ERCC6: variants seen among roughly 807,000 people sequenced by gnomAD.
ERCC6 encodes the protein ERCC excision repair 6, chromatin remodeling factor.
A neutral mutation model predicts 158.7 loss-of-function variants in ERCC6; 116 were observed. That is an observed-to-expected ratio of 0.73 (90% CI 0.63 to 0.85). The LOEUF is 0.85. Ranked by LOEUF, ERCC6 falls within the 40% of genes least tolerant of loss-of-function variation. The probability of loss-of-function intolerance (pLI) is 0.00; values close to 1 mark genes in which losing one functional copy is unlikely to be tolerated. For missense variants in ERCC6, 1,698 were observed against 1,799.4 expected, an observed-to-expected ratio of 0.94 and a Z score of 1.02; for synonymous variants, 678 against 659.3, an observed-to-expected ratio of 1.03 and a Z score of -0.43.
chr10:49,470,940 T>C (rs779361736), intron 17 of ERCC6, 35 bp downstream of exon 17: 21 of 1,613,818 alleles, frequency 1.3e-5, no homozygotes, highest in East Asian at 6.7e-5. Context: ...TCTTGTGCAA[T>C]TGATTACTTT....
rs746657961 is a variant in ERCC6, at chr10:49,515,682, C to T, written c.1397+8351G>A. The T allele has an allele frequency of 1.9e-5, 30 of 1,614,014 alleles. No homozygotes were observed. Among genetic ancestry groups the T allele is most frequent in the Admixed American group, 3.3e-5 (2 of 60,006 alleles). On this transcript the variant is annotated intron_variant, in intron 5 of 20. Coordinates refer to ENST00000355832, the MANE Select transcript of ERCC6 (RefSeq NM_000124.4). ...AGGGCTTGAATACCATTTCTTTCCA[C>T]GGATTGATGCCCGATACTTATCAAT...
chr10:49,489,812 T>C (rs1183635035), intron 8 of ERCC6, among the ~76,000 whole-genome samples: 1 of 152,220 alleles, frequency 6.6e-6, no homozygotes, highest in East Asian at 1.9e-4. Flanking sequence ...CTGTGAGTTA[T>C]GGGATAGGTA....
intron 18 of ERCC6, among the ~76,000 whole-genome samples, chr10:49,469,631 A>G (rs1204125717): frequency 6.6e-6 from 1 of 152,228 alleles, no homozygotes; most frequent in Non-Finnish European, 1.5e-5. Flanking sequence ...ATAAGCAGCA[A>G]TCTTTGGTAA....
At position 49,470,633 on chromosome 10, in the gene ERCC6, T is replaced by C. The variant is rs1182080300; in HGVS notation, c.3327A>G (p.Glu1109=). Residue 1109 remains glutamate (E), a synonymous_variant, in exon 18 of 21, where the codon GAA becomes GAG. Transcript: ENST00000355832. The stretch of plus-strand genomic sequence containing the variant: ...CTGGTCCAGATACTGCATTTGTCTC[T>C]TCTCCAAGCCTATCATTGCTAGTTA... The part of the protein sequence containing the change: ...SNVTSNDRLG[E]ETNAVSGPEE... 2 of 1,613,472 alleles carry C rather than the reference T, an allele frequency of 1.2e-6. No homozygotes were observed. Among genetic ancestry groups the C allele is most frequent in the Non-Finnish European group, 1.7e-6 (2 of 1,179,648 alleles).
At chr10:49,437,364 T>C in the ERCC6 span, among the ~76,000 whole-genome samples, 2 of 152,210 alleles carry the variant, frequency 1.3e-5, no homozygotes, top group East Asian at 3.8e-4. Context: ...CAGTATAACA[T>C]TGACTTTAAA....
At chr10:49,527,896 T>C (rs1482372290) in intron 4 of ERCC6, among the ~76,000 whole-genome samples, 4 of 152,164 alleles carry the variant, frequency 2.6e-5, no homozygotes, top group Non-Finnish European at 4.4e-5. Context: ...GATAATTTAG[T>C]TCCAGAGCTT....
chr10:49,522,763 C>A (rs1193647159), intron 5 of ERCC6, among the ~76,000 whole-genome samples: 1 of 152,200 alleles, frequency 6.6e-6, no homozygotes, highest in Non-Finnish European at 1.5e-5. Context: ...TGACACCGCT[C>A]ACTGTTCAAG....
At chr10:49,460,306 G>T in intron 20 of ERCC6, 67 bp downstream of exon 20, 1 of 1,125,444 alleles carries the variant, frequency 8.9e-7, no homozygotes, top group Non-Finnish European at 1.4e-6. Flanking sequence ...CCAGAATCAG[G>T]TGAAATTTTC....
intron 8 of ERCC6, among the ~76,000 whole-genome samples, chr10:49,489,677 T>G (rs1018891431): frequency 6.6e-6 from 1 of 152,118 alleles, no homozygotes; most frequent in African/African-American, 2.4e-5. Flanking sequence ...CAAAAAAAGG[T>G]AGGAGAGAGA....
chr10:49,492,934 A>ATATTCAT (rs1270422279), intron 8 of ERCC6, among the ~76,000 whole-genome samples, 183 bp downstream of exon 8: 10 of 152,208 alleles, frequency 6.6e-5, no homozygotes, highest in African/African-American at 2.4e-4. Flanking sequence ...AATAAGACCT[A>ATATTCAT]TATTCATAAC....
At chr10:49,460,320 G>T in intron 20 of ERCC6, 53 bp downstream of exon 20, 1 of 1,260,204 alleles carries the variant, frequency 7.9e-7, no homozygotes, top group Non-Finnish European at 1.2e-6. Context: ...AATTTTCACA[G>T]CATTCAATCA....
At chr10:49,452,875 T>C (rs1166619538), downstream of ERCC6, among the ~76,000 whole-genome samples, 1 of 152,180 alleles carries the variant, frequency 6.6e-6, no homozygotes, top group Non-Finnish European at 1.5e-5. Context: ...GACACTAGTA[T>C]AGCCAGTCCA....
At chr10:49,450,758 T>C (rs1590391298), downstream of ERCC6, among the ~76,000 whole-genome samples, 1 of 152,238 alleles carries the variant, frequency 6.6e-6, no homozygotes, top group Admixed American at 6.5e-5. Context: ...TTTTTGATGC[T>C]ATTATGAATA....
Position 49,524,114 on chromosome 10 carries a change from A to G in ERCC6, c.1316T>C (p.Val439Ala). The change falls in exon 5 of 21, where the codon GTA becomes GCA. Residue 439 changes from valine to alanine, a missense_variant. Physicochemically the swap from Val to Ala is moderately conservative, Grantham distance 64. Coordinates refer to ENST00000355832, the MANE Select transcript of ERCC6 (RefSeq NM_000124.4). ...SSGEEAEAAS[V>A]GEGGGGGRKV... ...CCGACCTCCTCCTCCTCCTTCTCCT[A>G]CAGAAGCAGCTTCAGCTTCTTCCCC... is the stretch of plus-strand genomic sequence containing the variant. 1 of 1,613,728 alleles carries G rather than the reference A, an allele frequency of 6.2e-7. No individual in the cohort carries two copies. The highest frequency in any genetic ancestry group is 8.5e-7 in the Non-Finnish European group (1 of 1,179,934).
intron 1 of ERCC6, among the ~76,000 whole-genome samples, chr10:49,537,508 T>C (rs200572441): frequency 0.024 from 3,460 of 145,664 alleles, 138 homozygotes; most frequent in African/African-American, 0.082. Flanking sequence ...TATATACACA[T>C]ACACACACAC....
At chr10:49,486,970 T>C (rs1851088938) in intron 8 of ERCC6, among the ~76,000 whole-genome samples, 1 of 152,198 alleles carries the variant, frequency 6.6e-6, no homozygotes, top group Non-Finnish European at 1.5e-5. Context: ...AGTAATATAT[T>C]AACCTACTAA....
chr10:49,515,797 T>A (rs772193885), intron 5 of ERCC6: 1 of 1,614,186 alleles, frequency 6.2e-7, no homozygotes. Flanking sequence ...TTTTTCAGTT[T>A]CTGGGAGTAA....
At chr10:49,485,382 A>G (rs1851059609) in intron 8 of ERCC6, among the ~76,000 whole-genome samples, 1 of 152,236 alleles carries the variant, frequency 6.6e-6, no homozygotes, top group Admixed American at 6.5e-5. Context: ...TAAAAGAAAA[A>G]GTTTAAAAAG....
At position 49,517,205 on chromosome 10, in the gene ERCC6, C is replaced by T. The variant is rs1590459771; in HGVS notation, c.1397+6828G>A. 8.1e-6 allele frequency: 12 copies of T among 1,487,748 alleles called. No individual in the cohort carries two copies. In the East Asian group the frequency reaches 2.8e-4, roughly 34 times the overall value. The allele number at this position is 1,487,748 out of a possible 1,614,324, so 92.2% of individuals were successfully genotyped here. A position where few individuals can be genotyped will look rare whatever the true frequency, so the allele number is the denominator to read the frequency against. ...AAAATGGAACATGAAAAATGTCAAA[C>T]CCATAACTAATGCAATAATAATACT... On this transcript the variant is annotated intron_variant, in intron 5 of 20. Transcript: ENST00000355832.
Sources: allele counts gnomAD v4.1 joint callset (sites outside exome capture counted in the v4.1 genomes callset), GRCh38; gene constraint gnomAD v4.1.1; transcripts MANE v1.5; gene names NCBI Gene and HGNC (gene_info 2026-07-23, HGNC 2026-07-21).